Variants in BRSK2 observed in about 807,000 individuals in gnomAD.
The protein encoded by BRSK2 is BR serine/threonine kinase 2.
A neutral mutation model predicts 83.3 loss-of-function variants in BRSK2; 19 were observed. The observed-to-expected ratio is 0.23, with a 90% confidence interval of 0.16 to 0.33. The LOEUF (loss-of-function observed/expected upper bound fraction) is 0.33, where lower values mean the gene tolerates loss of function less well. Ranked by LOEUF, BRSK2 falls within the 10% of genes least tolerant of loss-of-function variation. The pLI, the probability that BRSK2 is intolerant of heterozygous loss-of-function variation, is 1.00. For synonymous variants in BRSK2, 519 were observed against 435.4 expected (o/e 1.19, Z -2.39); for missense variants, 798 against 1,042.3 (o/e 0.77, Z 3.23).
chr11:1,440,870 C>G lies in BRSK2; in HGVS notation c.355C>G (p.Arg119Gly). 6.2e-7 allele frequency: 1 copy of G among 1,608,980 alleles called. No individual in the cohort carries two copies. The highest frequency in any genetic ancestry group is 8.5e-7 in the Non-Finnish European group (1 of 1,178,108). Residue 119 changes from arginine (R) to glycine (G), a missense_variant, in exon 4 of 20, where the codon CGG becomes GGG. This residue lies in a region of BRSK2 where 109 missense variants were observed against 259.2 expected (regional missense o/e 0.42). Coordinates refer to ENST00000528841, the MANE Select transcript of BRSK2 (RefSeq NM_001256627.2). Reference sequence around the variant, plus strand: ...GGGGAGGCTGACGCCTAAGGAGGCTCGGAAGTTCTTCCGGCAGATCATCTC... The same window carrying G: ...GGGGAGGCTGACGCCTAAGGAGGCTGGGAAGTTCTTCCGGCAGATCATCTC... ...KKGRLTPKEA[R>G]KFFRQIISAL...
intron 1 of BRSK2, among the ~76,000 whole-genome samples, chr11:1,394,132 C>A (rs1177477332): frequency 6.5e-5 from 8 of 122,176 alleles, no homozygotes; most frequent in Admixed American, 1.5e-4. Context: ...GAGATGGGTC[C>A]TGGAGATGGG....
At chr11:1,411,627 C>T in intron 1 of BRSK2, 1 of 1,550,034 alleles carries the variant, frequency 6.5e-7, no homozygotes, top group Non-Finnish European at 8.7e-7. Flanking sequence ...GCAGCCCAGC[C>T]CAGCAGGTGC....
At chr11:1,395,168 G>C (rs1350719509) in intron 1 of BRSK2, among the ~76,000 whole-genome samples, 2 of 152,184 alleles carry the variant, frequency 1.3e-5, no homozygotes, top group Non-Finnish European at 2.9e-5. Context: ...TCTGACCCCA[G>C]CTGTTTTGTC....
chr11:1,444,859 CCCTCTCCTGCTCTCT>C (rs2133113085), intron 8 of BRSK2, 97 bp from the exon 9 acceptor site: 1 of 990,024 alleles, frequency 1.0e-6, no homozygotes, highest in Non-Finnish European at 1.6e-6. Context: ...CTTGCCCTCA[CCCTCTCCTGCTCTCT>C]CCGTGCTCCC....
intron 1 of BRSK2, chr11:1,411,353 C>T (rs1050394746): frequency 5.5e-6 from 8 of 1,445,352 alleles, no homozygotes; most frequent in Non-Finnish European, 6.3e-6. Context: ...CAGTTCTGCC[C>T]CATCTGGCCC....
At chr11:1,458,084 C>T (rs768453500) in intron 18 of BRSK2, among the ~76,000 whole-genome samples, 30 of 152,116 alleles carry the variant, frequency 2.0e-4, no homozygotes, top group East Asian at 3.9e-4. Flanking sequence ...GGCCAGGGAA[C>T]GACAGGGCAG....
chr11:1,454,687 A>G lies in BRSK2; in HGVS notation c.1668+79A>G, dbSNP rs1226131294. The G allele has an allele frequency of 6.4e-7, 1 of 1,559,636 alleles. No individual in the cohort carries two copies. The highest frequency in any genetic ancestry group is 8.7e-7 in the Non-Finnish European group (1 of 1,144,544). Reference sequence around the variant, plus strand: ...CCAGCCCCGAGAATCCAGCCTCCTCACGTAGACAGGACATGTCCACGCGCA... The same window carrying G: ...CCAGCCCCGAGAATCCAGCCTCCTCGCGTAGACAGGACATGTCCACGCGCA... On this transcript the variant is annotated intron_variant, in intron 16 of 19. Coordinates refer to ENST00000528841, the MANE Select transcript of BRSK2 (RefSeq NM_001256627.2). The surrounding 1 kb of genome is among the most constrained non-coding windows in gnomAD (Gnocchi z 5.2).
chr11:1,445,946 G>A, intron 12 of BRSK2, 39 bp downstream of exon 12: 2 of 1,569,852 alleles, frequency 1.3e-6, no homozygotes, highest in Non-Finnish European at 1.7e-6. Context: ...CCCTCCCTGG[G>A]CCCTGGCTGC....
At chr11:1,399,884 G>A (rs544840505) in intron 1 of BRSK2, among the ~76,000 whole-genome samples, 18 of 126,702 alleles carry the variant, frequency 1.4e-4, no homozygotes, top group African/African-American at 3.3e-4. Flanking sequence ...TGGAGGCCTC[G>A]CTCCGGGTCC....
chr11:1,458,369 G>T (rs1365384780), intron 18 of BRSK2, among the ~76,000 whole-genome samples: 1 of 152,072 alleles, frequency 6.6e-6, no homozygotes, highest in Non-Finnish European at 1.5e-5. Context: ...GGCTCTTGGG[G>T]GTCTATTCTG....
rs940060580 is a variant in BRSK2 at position 1,424,512 on chromosome 11, G to C, written c.92-11528G>C. Among the ~76,000 whole-genome samples, 8 of 152,332 alleles carry C rather than the reference G, an allele frequency of 5.3e-5. No homozygotes were observed. The South Asian group carries it at 8.3e-4, about 16-fold the overall frequency. The stretch of plus-strand genomic sequence containing the variant: ...TGAGGGACCCCCTTCACTGGGGTGG[G>C]GCCAAGTGGCAGGAACTCCCCCAAC... On this transcript the variant is annotated intron_variant, in intron 1 of 19. Coordinates refer to ENST00000528841, the MANE Select transcript of BRSK2 (RefSeq NM_001256627.2).
At position 1,454,343 on chromosome 11, in the gene BRSK2, G is replaced by A. The variant is rs1846211063; in HGVS notation, c.1545-142G>A. On this transcript the variant is annotated intron_variant, in intron 15 of 19. Coordinates refer to ENST00000528841, the MANE Select transcript of BRSK2 (RefSeq NM_001256627.2). The surrounding 1 kb of genome is among the most constrained non-coding windows in gnomAD (Gnocchi z 5.2). ...TAGGGCGTTGGGGTCAGGGCCATGG[G>A]TTCTGGCTAGCACTGTGGAGACAGC... The A allele has an allele frequency of 3.0e-6, 3 of 1,011,406 alleles. No individual in the cohort carries two copies. The South Asian group carries it at 4.4e-5, about 15-fold the overall frequency. The allele number at this position is 1,011,406 out of a possible 1,614,324, so 62.7% of individuals were successfully genotyped here. A position where few individuals can be genotyped will look rare whatever the true frequency, so the allele number is the denominator to read the frequency against.
At chr11:1,444,830 C>T in intron 8 of BRSK2, 141 bp from the exon 9 acceptor site, 1 of 760,082 alleles carries the variant, frequency 1.3e-6, no homozygotes, top group Non-Finnish European at 2.3e-6. Flanking sequence ...TATCTTCCTC[C>T]CCACCTTCCC....
intron 13 of BRSK2, 35 bp from the exon 14 acceptor site, chr11:1,450,552 T>G: frequency 7.8e-7 from 1 of 1,285,414 alleles, no homozygotes; most frequent in Non-Finnish European, 1.1e-6. Context: ...CCCGCCGGGA[T>G]TGAACCAAAC....
chr11:1,459,903 G>A (rs1040386509), intron 19 of BRSK2, among the ~76,000 whole-genome samples: 20 of 152,276 alleles, frequency 1.3e-4, no homozygotes, highest in African/African-American at 4.8e-4. Context: ...CCAGGGGTCG[G>A]GCTTCAGGCC....
rs893756503 is a variant in BRSK2 at position 1,445,134 on chromosome 11, G to A, written c.812+132G>A. ...CCTGCCTTGGCCCTCCGTGGCCTGC[G>A]CTGGGTGCGGGGTGCGGGCAGGACG... On this transcript the variant is annotated intron_variant, in intron 9 of 19. Transcript: ENST00000528841. 2.3e-5 allele frequency: 34 copies of A among 1,482,240 alleles called. 1 individual carries two copies. The highest frequency in any genetic ancestry group is 3.7e-4 in the Middle Eastern group (2 of 5,446). The allele number at this position is 1,482,240 out of a possible 1,614,324, so 91.8% of individuals were successfully genotyped here. A position where few individuals can be genotyped will look rare whatever the true frequency, so the allele number is the denominator to read the frequency against.
intron 1 of BRSK2, among the ~76,000 whole-genome samples, chr11:1,406,970 A>G (rs1846921611): frequency 6.6e-6 from 1 of 152,048 alleles, no homozygotes; most frequent in Non-Finnish European, 1.5e-5. Context: ...TGTGCGTGCA[A>G]ACGTGTGTGC....
intron 5 of BRSK2, 147 bp downstream of exon 5, chr11:1,442,753 C>T (rs1851519315): frequency 8.7e-6 from 6 of 689,750 alleles, no homozygotes; most frequent in South Asian, 8.7e-5. Flanking sequence ...CCTCCCAGTA[C>T]CCCACAGCCT....
At chr11:1,460,392 T>G in intron 19 of BRSK2, 108 bp from the exon 20 acceptor site, 2 of 953,884 alleles carry the variant, frequency 2.1e-6, no homozygotes, top group Non-Finnish European at 2.8e-6. Flanking sequence ...TTCGTTCATT[T>G]GTTTGTTTGT....
Sources: gnomAD v4.1 joint callset for allele counts (sites outside exome capture counted in the v4.1 genomes callset) on GRCh38, gnomAD v4.1.1 for gene constraint, gnomAD v4.1.1 regional missense constraint, Gnocchi (gnomAD v3.1) non-coding constraint, MANE v1.5 for transcripts, NCBI Gene and HGNC (gene_info 2026-07-23, HGNC 2026-07-21) for gene names.